The following KLF12 variants were observed in gnomAD, a reference collection of about 807,000 sequenced individuals.
KLF12 encodes Krueppel-like factor 12.
KLF12 carries 9 observed loss-of-function variants against 37.8 expected under a neutral mutation model. That is an observed-to-expected ratio of 0.24 (90% CI 0.14 to 0.42). The LOEUF is 0.42. KLF12 is among the 10% of genes least tolerant of loss of function. The pLI is 1.00. For synonymous variants in KLF12, 208 were observed against 202.1 expected (o/e 1.03, Z -0.25); for missense variants, 411 against 516.0 (o/e 0.80, Z 1.97).
In KLF12 at chr13:74,076,877, G is replaced by A. The variant is rs988914381; in HGVS notation, c.-32+56862C>T. ...TGTTTTCATCATTTAGCTCCCACTT[G>A]TAATTGAGAACCTGTGGTATTTGGT... On this transcript the variant is annotated intron_variant, in intron 1 of 7. Coordinates refer to ENST00000377669, the MANE Select transcript of KLF12 (RefSeq NM_007249.5). Among the ~76,000 whole-genome samples the A allele has an allele frequency of 4.6e-5, 7 of 151,934 alleles. No homozygotes were observed. The East Asian group carries it at 7.7e-4, about 17-fold the overall frequency.
chr13:73,790,901 C>T (rs537548680), intron 5 of KLF12, among the ~76,000 whole-genome samples: 5 of 152,304 alleles, frequency 3.3e-5, no homozygotes, highest in Admixed American at 2.0e-4. Context: ...CTAAACCATG[C>T]TCTCTCTTCC....
At chr13:73,998,949 T>A (rs147829783) in intron 1 of KLF12, among the ~76,000 whole-genome samples, 1 of 152,342 alleles carries the variant, frequency 6.6e-6, no homozygotes, top group East Asian at 1.9e-4. Flanking sequence ...TGACACCTAC[T>A]GTATCTCTTC....
At chr13:73,703,935 G>A (rs190293557) in intron 7 of KLF12, among the ~76,000 whole-genome samples, 2 of 152,274 alleles carry the variant, frequency 1.3e-5, no homozygotes, top group East Asian at 3.9e-4. Flanking sequence ...CCAGAAATCC[G>A]ATATAAGTGA....
At chr13:73,835,262 G>T (rs145250663) in intron 4 of KLF12, among the ~76,000 whole-genome samples, 1 of 151,968 alleles carries the variant, frequency 6.6e-6, no homozygotes, top group African/African-American at 2.4e-5. Context: ...ATAATTAGGG[G>T]CATGGTAGAA....
intron 1 of KLF12, among the ~76,000 whole-genome samples, chr13:74,078,375 A>G (rs994946086): frequency 3.3e-5 from 5 of 152,326 alleles, no homozygotes; most frequent in East Asian, 1.9e-4. Flanking sequence ...GACAAAAACC[A>G]TATTACTAAA....
At chr13:74,173,585 T>G in the KLF12 span, among the ~76,000 whole-genome samples, 7 of 152,346 alleles carry the variant, frequency 4.6e-5, no homozygotes, top group African/African-American at 1.4e-4. Context: ...GTGTGTTGAA[T>G]GTAGTACAAC....
chr13:74,081,373 G>A (rs1345467189), intron 1 of KLF12, among the ~76,000 whole-genome samples: 5 of 151,962 alleles, frequency 3.3e-5, no homozygotes, highest in East Asian at 3.9e-4. Flanking sequence ...CTTTCATCTC[G>A]TCTTTTATAA....
intron 4 of KLF12, among the ~76,000 whole-genome samples, chr13:73,830,401 T>C (rs899401814): frequency 2.6e-5 from 4 of 152,126 alleles, no homozygotes; most frequent in Non-Finnish European, 4.4e-5. Flanking sequence ...GAAAAGACAC[T>C]GAAACAAAAA....
At chr13:73,989,096 GTTAC>G (rs1346723907) in intron 2 of KLF12, among the ~76,000 whole-genome samples, 1 of 151,970 alleles carries the variant, frequency 6.6e-6, no homozygotes, top group Non-Finnish European at 1.5e-5. Flanking sequence ...CATTTAAAAG[GTTAC>G]TTATTCAAAA....
chr13:74,003,245 G>A (rs1892325978), intron 1 of KLF12, among the ~76,000 whole-genome samples: 1 of 152,208 alleles, frequency 6.6e-6, no homozygotes, highest in Non-Finnish European at 1.5e-5. Flanking sequence ...ACAAAGCTGA[G>A]TCTTGAAAAA....
At position 73,845,924 on chromosome 13, in the gene KLF12, C is replaced by A; in HGVS notation, c.573G>T (p.Gln191His). The A allele has an allele frequency of 6.2e-7, 1 of 1,614,196 alleles. No homozygotes were observed. The highest frequency in any genetic ancestry group is 8.5e-7 in the Non-Finnish European group (1 of 1,180,000). ...CAGCTGTGTAGACAACAGGCACCGA[C>A]TGTACCACCACGGGGATGCGGTGAA... Residue 191 changes from glutamine to histidine, a missense_variant, in exon 4 of 8, where the codon CAG (glutamine) becomes CAT (histidine). Physicochemically the swap from Gln to His is conservative, Grantham distance 24 (BLOSUM62 0). This residue lies in a region of KLF12 where 351 missense variants were observed against 397.8 expected (regional missense o/e 0.88). Transcript: ENST00000377669.
intron 4 of KLF12, among the ~76,000 whole-genome samples, chr13:73,826,880 T>C (rs9543467): frequency 0.66 from 100,158 of 151,960 alleles, 34,358 homozygotes; most frequent in Non-Finnish European, 0.76. Context: ...CTCCCAGGCT[T>C]AAGTGATCCT....
chr13:74,260,716 A>G, the KLF12 span, among the ~76,000 whole-genome samples: 1 of 151,980 alleles, frequency 6.6e-6, no homozygotes, highest in East Asian at 1.9e-4. Context: ...GTGATTTGGA[A>G]GAGTAATGAA....
the KLF12 span, among the ~76,000 whole-genome samples, chr13:74,180,194 G>A: frequency 6.6e-6 from 1 of 151,996 alleles, no homozygotes; most frequent in African/African-American, 2.4e-5. Context: ...CTAATAGTAG[G>A]TGTTTAGTGT....
At chr13:74,002,210 T>C (rs1436807039) in intron 1 of KLF12, among the ~76,000 whole-genome samples, 3 of 152,182 alleles carry the variant, frequency 2.0e-5, no homozygotes, top group African/African-American at 7.2e-5. Context: ...AACACACAGC[T>C]AGCTGTCATA....
At chr13:74,125,164 T>TACAC (rs1402592186) in intron 1 of KLF12, among the ~76,000 whole-genome samples, 4 of 135,300 alleles carry the variant, frequency 3.0e-5, no homozygotes, top group Non-Finnish European at 3.2e-5. Context: ...AATATATATA[T>TACAC]ATACACACAC....
chr13:74,304,944 G>A, the KLF12 span, among the ~76,000 whole-genome samples: 11 of 152,124 alleles, frequency 7.2e-5, no homozygotes, highest in Non-Finnish European at 1.0e-4. Flanking sequence ...TCTTCCACAC[G>A]CTTATTTAAG....
chr13:73,897,503 C>T (rs973463257), intron 3 of KLF12, among the ~76,000 whole-genome samples: 1 of 152,084 alleles, frequency 6.6e-6, no homozygotes, highest in Non-Finnish European at 1.5e-5. Flanking sequence ...CAGTATAGAC[C>T]AATACCAAAC....
chr13:74,102,438 C>T (rs1876406711), intron 1 of KLF12, among the ~76,000 whole-genome samples: 1 of 152,004 alleles, frequency 6.6e-6, no homozygotes. Context: ...TGGCTCATAC[C>T]TGTAATCCCA....
Sources: gnomAD v4.1 joint callset for allele counts (sites outside exome capture counted in the v4.1 genomes callset) on GRCh38, gnomAD v4.1.1 for gene constraint, gnomAD v4.1.1 regional missense constraint, MANE v1.5 for transcripts, NCBI Gene and HGNC (gene_info 2026-07-23, HGNC 2026-07-21) for gene names.